Variants in ADGRG6 observed in about 807,000 individuals in gnomAD.
The protein encoded by ADGRG6 is adhesion G protein-coupled receptor G6, also known as G-protein coupled receptor 126.
ADGRG6 carries 84 observed loss-of-function variants against 142.4 expected under a neutral mutation model. The ratio of observed to expected loss-of-function variants is 0.59; its 90% CI spans 0.49 to 0.71. ADGRG6 has a LOEUF of 0.71. ADGRG6 is among the 30% of genes least tolerant of loss of function. The pLI is 0.00. For synonymous variants in ADGRG6, 521 were observed against 520.5 expected, an observed-to-expected ratio of 1.00 and a Z score of -0.01; for missense variants, 1,367 against 1,466.6, an observed-to-expected ratio of 0.93 and a Z score of 1.11.
chr6:142,345,499 A>C (rs1779856469), intron 2 of ADGRG6, among the ~76,000 whole-genome samples: 1 of 152,080 alleles, frequency 6.6e-6, no homozygotes, highest in Admixed American at 6.6e-5. Context: ...TTTGAATTCA[A>C]AATAGTCTTT....
intron 6 of ADGRG6, among the ~76,000 whole-genome samples, chr6:142,388,684 C>T (rs541435536): frequency 4.3e-4 from 65 of 152,100 alleles, no homozygotes; most frequent in African/African-American, 1.6e-3. Context: ...ATCTCATGTA[C>T]TTTATTGAAT....
chr6:142,418,360 C>A, intron 21 of ADGRG6, among the ~76,000 whole-genome samples: 1 of 148,756 alleles, frequency 6.7e-6, no homozygotes, highest in East Asian at 2.0e-4. Flanking sequence ...TGTCCCATTT[C>A]TTCACAGTCT....
At chr6:142,351,361 G>C (rs1276872930) in intron 2 of ADGRG6, among the ~76,000 whole-genome samples, 1 of 152,106 alleles carries the variant, frequency 6.6e-6, no homozygotes, top group Non-Finnish European at 1.5e-5. Context: ...CAGACACACA[G>C]ACTAATAGAA....
intron 2 of ADGRG6, among the ~76,000 whole-genome samples, chr6:142,358,682 G>A (rs558606375): frequency 3.9e-5 from 6 of 152,198 alleles, no homozygotes; most frequent in South Asian, 2.1e-4. Flanking sequence ...CGAGGAGGGC[G>A]GATCATGAGG....
Position 142,370,523 on chromosome 6 carries a change from A to T in ADGRG6, c.799A>T (p.Asn267Tyr), listed in dbSNP as rs1400276832. Residue 267 changes from asparagine to tyrosine, a missense_variant, in exon 4 of 25, where the codon AAT becomes TAT. Asn to Tyr is a moderately radical substitution (Grantham distance 143, BLOSUM62 -2). Around this residue, in one of 3 missense-constraint regions of ADGRG6, gnomAD observed 737 missense variants for 746.5 expected, o/e 0.99. Transcript: ENST00000367609. ...TAATTCTTTGGGCTCTATTGGTGTA[A>T]ATTTCAAAAGAAACTATGAAACAGT... Reference protein sequence around the residue: ...WNNSLGSIGVNFKRNYETVPC... With the variant: ...WNNSLGSIGVYFKRNYETVPC... The T allele has an allele frequency of 6.2e-7, 1 of 1,613,742 alleles. No individual in the cohort carries two copies. Among genetic ancestry groups the T allele is most frequent in the Admixed American group, 1.7e-5 (1 of 60,018 alleles).
intron 4 of ADGRG6, among the ~76,000 whole-genome samples, chr6:142,371,337 AT>A (rs568396010): frequency 6.6e-6 from 1 of 151,638 alleles, no homozygotes; most frequent in Non-Finnish European, 1.5e-5. Context: ...TAATTTTTGT[AT>A]TTTTTTAAAA....
At chr6:142,330,153 A>G (rs567370186) in intron 2 of ADGRG6, among the ~76,000 whole-genome samples, 8 of 152,070 alleles carry the variant, frequency 5.3e-5, no homozygotes, top group Non-Finnish European at 1.0e-4. Context: ...TTTACTAAGG[A>G]TAATGGCCTC....
Position 142,400,589 on chromosome 6 carries a change from C to A in ADGRG6, c.1672C>A (p.Arg558=). 6.5e-7 allele frequency: 1 copy of A among 1,533,910 alleles called. No homozygotes were observed. The highest frequency in any genetic ancestry group is 9.0e-7 in the Non-Finnish European group (1 of 1,108,106). Residue 558 remains arginine, a synonymous_variant, in exon 11 of 25, where the codon CGG becomes AGG. Coordinates refer to ENST00000367609, the MANE Select transcript of ADGRG6 (RefSeq NM_198569.3). Reference sequence around the variant, plus strand: ...AGACAAGCCTGGCTTTTCTGCTTCTCGGATATGGTAATATTTTCACTGACT... The same window carrying A: ...AGACAAGCCTGGCTTTTCTGCTTCTAGGATATGGTAATATTTTCACTGACT... The part of the protein sequence containing the change: ...CPDKPGFSAS[R]ICFYNATNPL...
intron 4 of ADGRG6, among the ~76,000 whole-genome samples, chr6:142,371,990 AT>A (rs953333093): frequency 3.3e-5 from 5 of 151,872 alleles, no homozygotes; most frequent in Admixed American, 2.6e-4. Flanking sequence ...ATTTTTCTCC[AT>A]TTTTTTTAAA....
intron 2 of ADGRG6, among the ~76,000 whole-genome samples, chr6:142,317,852 A>C (rs1778193558): frequency 1.2e-5 from 1 of 81,844 alleles, no homozygotes; most frequent in African/African-American, 5.3e-5. Context: ...TATATAATAT[A>C]TATTTATATT....
At chr6:142,331,189 G>T (rs1359195240) in intron 2 of ADGRG6, among the ~76,000 whole-genome samples, 1 of 151,198 alleles carries the variant, frequency 6.6e-6, no homozygotes, top group Non-Finnish European at 1.5e-5. Context: ...GGACTTTTTA[G>T]TGTTTCCCCA....
intron 2 of ADGRG6, among the ~76,000 whole-genome samples, chr6:142,345,591 A>C (rs1779860106): frequency 6.6e-6 from 1 of 152,132 alleles, no homozygotes; most frequent in Admixed American, 6.5e-5. Flanking sequence ...AATATCATAA[A>C]TATTAGGTTC....
Position 142,410,116 on chromosome 6 carries a change from A to G in ADGRG6, c.2434+197A>G, listed in dbSNP as rs116454379. On this transcript the variant is annotated intron_variant, in intron 17 of 24. Transcript: ENST00000367609. The stretch of plus-strand genomic sequence containing the variant: ...TTTCTGTAACTTTTTAGTCATTGCA[A>G]GAAGAAATAGGCAGACTTCACTGTG... Among the ~76,000 whole-genome samples, 731 of 152,222 alleles carry G rather than the reference A, an allele frequency of 4.8e-3. 9 individuals are homozygous for G. The highest frequency in any genetic ancestry group is 0.017 in the African/African-American group (693 of 41,564).
At chr6:142,339,304 A>G (rs1305063950) in intron 2 of ADGRG6, among the ~76,000 whole-genome samples, 1 of 152,242 alleles carries the variant, frequency 6.6e-6, no homozygotes, top group Non-Finnish European at 1.5e-5. Flanking sequence ...GGGCGTAACA[A>G]AAATATGAAT....
chr6:142,342,080 G>T (rs1200491596), intron 2 of ADGRG6, among the ~76,000 whole-genome samples: 4 of 152,004 alleles, frequency 2.6e-5, no homozygotes, highest in African/African-American at 7.2e-5. Flanking sequence ...AACTGAACTG[G>T]CTAGAAGAGC....
intron 7 of ADGRG6, 35 bp downstream of exon 7, chr6:142,390,378 AT>A: frequency 8.3e-7 from 1 of 1,209,878 alleles, no homozygotes; most frequent in Non-Finnish European, 1.2e-6. Context: ...TTTTAAAAAA[AT>A]TCTTTAACTT....
intron 2 of ADGRG6, among the ~76,000 whole-genome samples, chr6:142,358,184 ACCTGTT>A (rs1780544848): frequency 6.6e-6 from 1 of 152,202 alleles, no homozygotes; most frequent in South Asian, 2.1e-4. Flanking sequence ...GCCAACATAA[ACCTGTT>A]CCACCCTGCA....
intron 2 of ADGRG6, among the ~76,000 whole-genome samples, chr6:142,329,990 A>G (rs954842057): frequency 2.6e-5 from 4 of 152,106 alleles, no homozygotes. Context: ...TCTTTATTTT[A>G]GTCTCTACTA....
rs1283093625 is a variant in ADGRG6 at position 142,397,681 on chromosome 6, A to G, written c.1493A>G (p.Gln498Arg). The G allele has an allele frequency of 3.7e-6, 6 of 1,608,118 alleles. No homozygotes were observed. The highest frequency in any genetic ancestry group is 4.3e-6 in the Non-Finnish European group (5 of 1,176,124). The change falls in exon 10 of 25, where the codon CAG becomes CGG. Residue 498 changes from glutamine to arginine, a missense_variant. Physicochemically the swap from Gln to Arg is conservative, Grantham distance 43. Coordinates refer to ENST00000367609, the MANE Select transcript of ADGRG6 (RefSeq NM_198569.3). Reference sequence around the variant, plus strand: ...ACTAATTTGGAAGGAAAAATCATTCAGCAGAAGCTCCTAAAAAATAATGAG... The same window carrying G: ...ACTAATTTGGAAGGAAAAATCATTCGGCAGAAGCTCCTAAAAAATAATGAG... Reference protein sequence around the residue: ...NNTNLEGKIIQQKLLKNNESL... With the variant: ...NNTNLEGKIIRQKLLKNNESL...
Sources: gnomAD v4.1 joint callset for allele counts (sites outside exome capture counted in the v4.1 genomes callset) on GRCh38, gnomAD v4.1.1 for gene constraint, gnomAD v4.1.1 regional missense constraint, MANE v1.5 for transcripts, NCBI Gene and HGNC (gene_info 2026-07-23, HGNC 2026-07-21) for gene names.